ARHGAP15: variants seen among roughly 807,000 people sequenced by gnomAD.
The protein encoded by ARHGAP15 is rho GTPase-activating protein 15.
Under a neutral mutation model 63.7 loss-of-function variants are expected in ARHGAP15, and 51 were observed. The ratio of observed to expected loss-of-function variants is 0.80; its 90% confidence interval spans 0.64 to 1.01. The LOEUF is 1.01. Ranked by LOEUF, ARHGAP15 falls within the 50% of genes least tolerant of loss-of-function variation. The probability of loss-of-function intolerance (pLI) is 0.00; values close to 1 mark genes in which losing one functional copy is unlikely to be tolerated. For synonymous variants in ARHGAP15, 191 were observed against 193.8 expected (o/e 0.99, Z 0.12); for missense variants, 560 against 564.6 (o/e 0.99, Z 0.08).
At chr2:143,405,909 TA>T (rs938641546) in intron 6 of ARHGAP15, among the ~76,000 whole-genome samples, 1 of 151,952 alleles carries the variant, frequency 6.6e-6, no homozygotes, top group African/African-American at 2.4e-5. Context: ...TCTTTGTCCA[TA>T]AAGTCTGGTA....
intron 6 of ARHGAP15, among the ~76,000 whole-genome samples, chr2:143,420,977 C>T (rs1424574556): frequency 1.3e-5 from 2 of 152,134 alleles, no homozygotes; most frequent in Non-Finnish European, 1.5e-5. Flanking sequence ...CAGGATGCAA[C>T]GTGGAGTGCA....
intron 6 of ARHGAP15, among the ~76,000 whole-genome samples, chr2:143,390,695 C>A (rs992668445): frequency 6.6e-6 from 1 of 151,214 alleles, no homozygotes; most frequent in Non-Finnish European, 1.5e-5. Flanking sequence ...ATCCCCCCAC[C>A]GTGGATATTT....
At chr2:143,730,314 A>G (rs1685469868) in intron 13 of ARHGAP15, among the ~76,000 whole-genome samples, 1 of 152,206 alleles carries the variant, frequency 6.6e-6, no homozygotes, top group African/African-American at 2.4e-5. Context: ...AGGCCTAGAC[A>G]CACACTGTAA....
At chr2:143,540,808 C>T (rs1353860190) in intron 10 of ARHGAP15, among the ~76,000 whole-genome samples, 2 of 152,194 alleles carry the variant, frequency 1.3e-5, no homozygotes, top group Non-Finnish European at 2.9e-5. Flanking sequence ...CTGCCCTTAA[C>T]ATTTTTTCCT....
intron 12 of ARHGAP15, among the ~76,000 whole-genome samples, chr2:143,643,189 C>T (rs546319668): frequency 6.6e-6 from 1 of 151,904 alleles, no homozygotes; most frequent in South Asian, 2.1e-4. Flanking sequence ...TGGTAATTGT[C>T]AGGATATGTT....
rs559188892 is a variant in ARHGAP15, at chr2:143,523,832, G to A, written c.925+4468G>A. ...ATACCTAGAGATTTATTGTACAACAGTGTGAATATACTTAGAATTACTGAA... is the reference window on the plus strand; with the variant it reads ...ATACCTAGAGATTTATTGTACAACAATGTGAATATACTTAGAATTACTGAA... On this transcript the variant is annotated intron_variant, in intron 10 of 13. Transcript: ENST00000295095. Among the ~76,000 whole-genome samples the A allele has an allele frequency of 3.3e-5, 5 of 152,222 alleles. 1 individual carries two copies. In the South Asian group the frequency reaches 1.0e-3, roughly 32 times the overall value.
chr2:143,756,506 C>T (rs1686582706), intron 13 of ARHGAP15, among the ~76,000 whole-genome samples: 2 of 152,100 alleles, frequency 1.3e-5, no homozygotes, highest in African/African-American at 2.4e-5. Flanking sequence ...CAGAGCGATG[C>T]CTTCCCAGGA....
chr2:143,585,259 A>G (rs1697066918), intron 11 of ARHGAP15, among the ~76,000 whole-genome samples: 1 of 152,178 alleles, frequency 6.6e-6, no homozygotes, highest in South Asian at 2.1e-4. Context: ...CTGTTTGTCA[A>G]AAGAATACTT....
intron 3 of ARHGAP15, 144 bp from the exon 4 acceptor site, chr2:143,216,236 ACTTC>A (rs1692751293): frequency 1.9e-6 from 1 of 538,900 alleles, no homozygotes; most frequent in African/African-American, 1.9e-5. Context: ...TTTTGCAGGC[ACTTC>A]CCATAAGCTA....
chr2:143,536,615 C>T (rs1049383067), intron 10 of ARHGAP15, among the ~76,000 whole-genome samples: 4 of 150,426 alleles, frequency 2.7e-5, no homozygotes, highest in Admixed American at 6.7e-5. Context: ...TGAACGAGAA[C>T]ATGCGGTGTT....
rs1444765251 is a variant in ARHGAP15, at chr2:143,728,037, CTG to C, written c.1244+24517_1244+24518del. On this transcript the variant is annotated intron_variant, in intron 13 of 13. Coordinates refer to ENST00000295095, the MANE Select transcript of ARHGAP15 (RefSeq NM_018460.4). Reference sequence around the variant, plus strand: ...AATCTGAAGTCTGGATAATCCCAGACTGTGTTAGTTTGCTAGGGCAGCCATAA... The same window carrying C: ...AATCTGAAGTCTGGATAATCCCAGACTGTTAGTTTGCTAGGGCAGCCATAA... Among the ~76,000 whole-genome samples the C allele has an allele frequency of 2.6e-5, 4 of 152,208 alleles. No individual in the cohort carries two copies. The East Asian group carries it at 7.7e-4, about 29-fold the overall frequency.
chr2:143,700,260 CT>C (rs1684026083), intron 12 of ARHGAP15, among the ~76,000 whole-genome samples: 1 of 152,146 alleles, frequency 6.6e-6, no homozygotes, highest in African/African-American at 2.4e-5. Context: ...GTCTTAATTC[CT>C]GCCCAAACAC....
rs146824629 is a variant in ARHGAP15, at chr2:143,582,619, A to T, written c.1003+26134A>T. ...AGTGAGCCAAAGTGACAATTTGGAAATTCATTTCTCTCCTTCAGAAAGTCT... is the reference window on the plus strand; with the variant it reads ...AGTGAGCCAAAGTGACAATTTGGAATTTCATTTCTCTCCTTCAGAAAGTCT... On this transcript the variant is annotated intron_variant, in intron 11 of 13. Transcript: ENST00000295095. Among the ~76,000 whole-genome samples, 882 of 152,292 alleles carry T rather than the reference A, an allele frequency of 5.8e-3. 29 individuals carry two copies. Among genetic ancestry groups the T allele is most frequent in the Admixed American group, 0.049 (749 of 15,292 alleles).
chr2:143,685,246 T>C (rs1466439292), intron 12 of ARHGAP15, among the ~76,000 whole-genome samples: 1 of 152,140 alleles, frequency 6.6e-6, no homozygotes, highest in Non-Finnish European at 1.5e-5. Context: ...ATTAGAGAGC[T>C]ATAATACCAC....
Position 143,165,812 on chromosome 2 carries a change from A to G in ARHGAP15, c.165+10157A>G, listed in dbSNP as rs113350987. ...TGACAATGGGTAACCTTTCATGGCA[A>G]CTTCCTCTTTTACCATGAATTATTG... On this transcript the variant is annotated intron_variant, in intron 2 of 13. Transcript: ENST00000295095. Among the ~76,000 whole-genome samples the G allele has an allele frequency of 9.6e-3, 1,456 of 152,094 alleles. 21 individuals are homozygous for G. The highest frequency in any genetic ancestry group is 0.033 in the African/African-American group (1,363 of 41,510).
At chr2:143,281,704 A>G (rs1179327781) in intron 6 of ARHGAP15, among the ~76,000 whole-genome samples, 3 of 152,150 alleles carry the variant, frequency 2.0e-5, no homozygotes, top group Admixed American at 2.0e-4. Flanking sequence ...CATTACCCTC[A>G]CACTTTATTA....
chr2:143,154,272 C>T (rs1310025587), intron 1 of ARHGAP15, among the ~76,000 whole-genome samples: 1 of 151,816 alleles, frequency 6.6e-6, no homozygotes, highest in Non-Finnish European at 1.5e-5. Flanking sequence ...TCTAATTTGT[C>T]ATTTAATTGC....
intron 6 of ARHGAP15, among the ~76,000 whole-genome samples, chr2:143,254,526 C>T (rs1680321285): frequency 6.6e-6 from 1 of 151,902 alleles, no homozygotes; most frequent in Non-Finnish European, 1.5e-5. Flanking sequence ...TTTTGGAAAG[C>T]CTAGGGAAAG....
chr2:143,460,656 G>T (rs567897269), intron 8 of ARHGAP15, among the ~76,000 whole-genome samples: 1 of 152,020 alleles, frequency 6.6e-6, no homozygotes, highest in East Asian at 1.9e-4. Flanking sequence ...TCCCTCAGTT[G>T]GATTTTATCC....
Sources: allele counts gnomAD v4.1 joint callset (sites outside exome capture counted in the v4.1 genomes callset), GRCh38; gene constraint gnomAD v4.1.1; transcripts MANE v1.5; gene names NCBI Gene and HGNC (gene_info 2026-07-23, HGNC 2026-07-21).